ANO10: variants seen among roughly 807,000 people sequenced by gnomAD.
ANO10 encodes anoctamin-10.
ANO10 carries 77 observed loss-of-function variants against 74.7 expected under a neutral mutation model. The observed-to-expected ratio is 1.03, with a 90% CI of 0.86 to 1.25. The LOEUF (loss-of-function observed/expected upper bound fraction) is 1.25, where lower values mean the gene tolerates loss of function less well. Ranked by LOEUF, ANO10 falls within the 50% of genes most tolerant of loss-of-function variation. The pLI, the probability that ANO10 is intolerant of heterozygous loss-of-function variation, is 0.00. For synonymous variants in ANO10, 279 were observed against 284.9 expected (o/e 0.98, Z 0.21); for missense variants, 721 against 778.1 (o/e 0.93, Z 0.87).
intron 11 of ANO10, among the ~76,000 whole-genome samples, chr3:43,467,639 G>T (rs2075682692): frequency 6.6e-6 from 1 of 152,206 alleles, no homozygotes; most frequent in African/African-American, 2.4e-5. Flanking sequence ...CAGAGTGATA[G>T]AAATGTTCTA....
At chr3:43,626,393 C>T (rs1396991678), upstream of ANO10, among the ~76,000 whole-genome samples, 4 of 150,468 alleles carry the variant, frequency 2.7e-5, no homozygotes, top group African/African-American at 4.9e-5. Flanking sequence ...CTCCCAGGTT[C>T]AAGCAATTCT....
chr3:43,544,274 T>C (rs893385307), intron 11 of ANO10, among the ~76,000 whole-genome samples: 1 of 152,154 alleles, frequency 6.6e-6, no homozygotes, highest in African/African-American at 2.4e-5. Flanking sequence ...CATTTTCACA[T>C]GTTTTCATCT....
At chr3:43,612,159 TATATATATATATATATATATATATA>T (rs2082861576) in intron 1 of ANO10, among the ~76,000 whole-genome samples, 1 of 121,444 alleles carries the variant, frequency 8.2e-6, no homozygotes, top group African/African-American at 3.2e-5. Flanking sequence ...TATATATATA[TATATATATATATATATATATATATA>T]TGCCCAAGAA....
intron 12 of ANO10, among the ~76,000 whole-genome samples, chr3:43,371,105 T>A (rs1399864839): frequency 1.3e-5 from 2 of 152,100 alleles, no homozygotes; most frequent in African/African-American, 4.8e-5. Context: ...TACCATTTGA[T>A]TACATCTCCT....
rs1380743527 is a variant in ANO10 at position 43,555,205 on chromosome 3, T to A, written c.1668+73A>T. On this transcript the variant is annotated intron_variant, in intron 10 of 12. Transcript: ENST00000292246. The stretch of plus-strand genomic sequence containing the variant: ...AAATCTCTCTGTAGGGCTTACTTTT[T>A]AATTTTTTTTCCCTGTCATAACACC... The A allele has an allele frequency of 3.3e-6, 5 of 1,500,462 alleles. No individual in the cohort carries two copies. The African/African-American group carries it at 5.6e-5, about 17-fold the overall frequency. 92.9% of individuals were successfully genotyped at this position (1,500,462 alleles called of 1,614,324 possible). A position where few individuals can be genotyped will look rare whatever the true frequency, so the allele number is the denominator to read the frequency against.
At chr3:43,443,472 C>T (rs985148197) in intron 11 of ANO10, among the ~76,000 whole-genome samples, 10 of 152,046 alleles carry the variant, frequency 6.6e-5, no homozygotes, top group African/African-American at 2.4e-4. Flanking sequence ...TGGGGGAGAT[C>T]AGGGAGACCT....
At chr3:43,628,732 C>A (rs1322158266) in intron 1 of ANO10, among the ~76,000 whole-genome samples, 1 of 152,142 alleles carries the variant, frequency 6.6e-6, no homozygotes, top group African/African-American at 2.4e-5. Flanking sequence ...GTGTGGCCGT[C>A]TTCTATGGTC....
intron 1 of ANO10, chr3:43,690,892 T>C (rs1054889012): frequency 2.7e-5 from 36 of 1,321,842 alleles, no homozygotes; most frequent in Non-Finnish European, 3.4e-5. Context: ...ACGCATGCGC[T>C]GGCGGCCTGC....
intron 1 of ANO10, among the ~76,000 whole-genome samples, chr3:43,679,488 A>T (rs1288736736): frequency 1.3e-5 from 2 of 152,214 alleles, no homozygotes; most frequent in East Asian, 1.9e-4. Context: ...GAAGCCTGCC[A>T]GCCTCTGTAG....
intron 1 of ANO10, among the ~76,000 whole-genome samples, chr3:43,686,986 A>C (rs1433168456): frequency 6.6e-6 from 1 of 151,832 alleles, no homozygotes; most frequent in Non-Finnish European, 1.5e-5. Flanking sequence ...GAGTCCAAGA[A>C]GCCCTAAAGT....
intron 12 of ANO10, chr3:43,372,785 G>A: frequency 6.8e-7 from 1 of 1,479,372 alleles, no homozygotes; most frequent in Non-Finnish European, 9.1e-7. Flanking sequence ...CTATGACAGT[G>A]CCTGGCACTG....
chr3:43,413,848 C>T (rs1183212095), intron 12 of ANO10, among the ~76,000 whole-genome samples: 4 of 151,864 alleles, frequency 2.6e-5, no homozygotes, highest in Non-Finnish European at 5.9e-5. Flanking sequence ...AAGTAGCCTG[C>T]ATGTCTCACA....
At chr3:43,550,554 G>A (rs2149310290) in intron 10 of ANO10, among the ~76,000 whole-genome samples, 1 of 152,176 alleles carries the variant, frequency 6.6e-6, no homozygotes, top group South Asian at 2.1e-4. Context: ...AGAAACACAA[G>A]TACTATTAGA....
chr3:43,373,577 A>T (rs1248230978), intron 12 of ANO10, among the ~76,000 whole-genome samples: 1 of 152,158 alleles, frequency 6.6e-6, no homozygotes, highest in Non-Finnish European at 1.5e-5. Flanking sequence ...TTCAGAGCAA[A>T]ATTTCCCAAA....
In ANO10 at chr3:43,555,303, G is replaced by T. The variant is rs538680619; in HGVS notation, c.1643C>A (p.Pro548His). 3.7e-6 allele frequency: 6 copies of T among 1,614,000 alleles called. No homozygotes were observed. In the East Asian group the frequency reaches 1.3e-4, roughly 36 times the overall value. The change falls in exon 10 of 13, where the codon CCT becomes CAT. Residue 548 changes from proline (P) to histidine (H), a missense_variant. Coordinates refer to ENST00000292246, the MANE Select transcript of ANO10 (RefSeq NM_018075.5). ...CTGCCACACACCAATATTGGCTGAA[G>T]GTTCTGAGAATGGACGTTTGAAGAC... ...CRVFKRPFSEPSANIGVWQLA... is the reference protein window; with the variant it reads ...CRVFKRPFSEHSANIGVWQLA...
intron 11 of ANO10, among the ~76,000 whole-genome samples, chr3:43,548,638 A>C (rs1054886940): frequency 4.6e-5 from 7 of 152,206 alleles, no homozygotes; most frequent in African/African-American, 1.7e-4. Context: ...CTGAGTCCTA[A>C]GGCCTTAAGT....
intron 11 of ANO10, among the ~76,000 whole-genome samples, chr3:43,477,019 T>C (rs372962405): frequency 6.6e-6 from 1 of 152,216 alleles, no homozygotes; most frequent in Non-Finnish European, 1.5e-5. Context: ...TGTGTATACA[T>C]AGTTTTAAAA....
intron 11 of ANO10, among the ~76,000 whole-genome samples, chr3:43,436,305 G>C (rs896903053): frequency 6.6e-6 from 1 of 151,994 alleles, no homozygotes; most frequent in Admixed American, 6.6e-5. Context: ...GATAAAATAG[G>C]AATCTATTCA....
At chr3:43,409,487 T>G (rs1298318290) in intron 12 of ANO10, among the ~76,000 whole-genome samples, 1 of 152,092 alleles carries the variant, frequency 6.6e-6, no homozygotes, top group Non-Finnish European at 1.5e-5. Flanking sequence ...GAGTTTGCAG[T>G]GAGCCAAGAC....
Sources: gnomAD v4.1 joint callset for allele counts (sites outside exome capture counted in the v4.1 genomes callset) on GRCh38, gnomAD v4.1.1 for gene constraint, MANE v1.5 for transcripts, NCBI Gene and HGNC (gene_info 2026-07-23, HGNC 2026-07-21) for gene names.